Variants in HPSE2 observed in about 807,000 individuals in gnomAD.
The protein encoded by HPSE2 is inactive heparanase-2.
HPSE2 carries 38 observed loss-of-function variants against 60.5 expected under a neutral mutation model. The ratio of observed to expected loss-of-function variants is 0.63; its 90% CI spans 0.48 to 0.82. HPSE2 has a LOEUF of 0.82. HPSE2 is among the 40% of genes least tolerant of loss of function. The pLI, the probability that HPSE2 is intolerant of heterozygous loss-of-function variation, is 0.00. For synonymous variants in HPSE2, 295 were observed against 293.2 expected (o/e 1.01, Z -0.06); for missense variants, 713 against 740.4 (o/e 0.96, Z 0.43).
intron 3 of HPSE2, among the ~76,000 whole-genome samples, chr10:99,094,541 T>TATATATATATATATATATA (rs1491238747): frequency 1.5e-4 from 2 of 13,686 alleles, no homozygotes; most frequent in Admixed American, 1.5e-3. Context: ...TATATATATA[T>TATATATATATATATATATA]TTTTTTTTTT....
intron 3 of HPSE2, among the ~76,000 whole-genome samples, chr10:98,924,774 C>T (rs1314774507): frequency 6.6e-6 from 1 of 152,164 alleles, no homozygotes; most frequent in African/African-American, 2.4e-5. Flanking sequence ...CCCAGCCTAG[C>T]ACTAGGAGTT....
At chr10:99,177,510 C>CA (rs1847575151) in intron 2 of HPSE2, among the ~76,000 whole-genome samples, 1 of 151,878 alleles carries the variant, frequency 6.6e-6, no homozygotes. Context: ...CAAAAAACAT[C>CA]AAAAAAGACA....
At chr10:98,713,397 G>C (rs948338323) in intron 5 of HPSE2, among the ~76,000 whole-genome samples, 1 of 151,914 alleles carries the variant, frequency 6.6e-6, no homozygotes, top group Non-Finnish European at 1.5e-5. Context: ...GTAGTAATGA[G>C]GGTACTGAGG....
chr10:98,952,886 C>A (rs1955404934), intron 3 of HPSE2, among the ~76,000 whole-genome samples: 1 of 152,246 alleles, frequency 6.6e-6, no homozygotes, highest in African/African-American at 2.4e-5. Flanking sequence ...CCTTAATTAC[C>A]TCCTAAAATC....
At chr10:98,620,989 T>C (rs1554955870) in intron 7 of HPSE2, among the ~76,000 whole-genome samples, 1 of 152,192 alleles carries the variant, frequency 6.6e-6, no homozygotes, top group Non-Finnish European at 1.5e-5. Flanking sequence ...GGATGTAAAC[T>C]GACTGCAGTA....
chr10:99,075,137 CTCTT>C (rs1221922167), intron 3 of HPSE2, among the ~76,000 whole-genome samples: 4 of 151,990 alleles, frequency 2.6e-5, no homozygotes, highest in Non-Finnish European at 5.9e-5. Context: ...TACTTGAGAT[CTCTT>C]TCTTTTTTAA....
intron 6 of HPSE2, among the ~76,000 whole-genome samples, chr10:98,662,167 A>G (rs1440809515): frequency 6.6e-6 from 1 of 152,198 alleles, no homozygotes; most frequent in African/African-American, 2.4e-5. Flanking sequence ...TGCCAGGATT[A>G]CAGGCATGAG....
At chr10:99,285,754 G>C in the HPSE2 span, among the ~76,000 whole-genome samples, 2 of 151,978 alleles carry the variant, frequency 1.3e-5, no homozygotes, top group African/African-American at 2.4e-5. Flanking sequence ...GTGAGATCCC[G>C]TCTCTACAAA....
intron 7 of HPSE2, 150 bp downstream of exon 7, chr10:98,641,697 G>A (rs1946641132): frequency 2.7e-6 from 2 of 735,172 alleles, no homozygotes; most frequent in African/African-American, 3.5e-5. Context: ...CTGTGATGGG[G>A]AGCTTGTGAC....
chr10:99,217,595 G>GTTGTGC (rs1564901492), intron 2 of HPSE2, among the ~76,000 whole-genome samples: 1 of 151,786 alleles, frequency 6.6e-6, no homozygotes, highest in African/African-American at 2.4e-5. Context: ...TGTTGTTGTT[G>GTTGTGC]TGCTGCTGCT....
At chr10:98,608,907 C>T (rs1945670805) in intron 9 of HPSE2, among the ~76,000 whole-genome samples, 1 of 152,074 alleles carries the variant, frequency 6.6e-6, no homozygotes, top group African/African-American at 2.4e-5. Context: ...CCTACCACCT[C>T]CAGGTCTGTA....
intron 5 of HPSE2, among the ~76,000 whole-genome samples, chr10:98,718,923 T>C (rs1011617): frequency 0.19 from 28,272 of 152,048 alleles, 3,044 homozygotes; most frequent in East Asian, 0.38. Flanking sequence ...TTCCAAATAG[T>C]GAGAAGAGAT....
chr10:98,649,896 G>A (rs972571744), intron 6 of HPSE2, among the ~76,000 whole-genome samples: 1 of 152,160 alleles, frequency 6.6e-6, no homozygotes, highest in African/African-American at 2.4e-5. Flanking sequence ...GAGATGGTAG[G>A]GCACCTGAGG....
At chr10:98,547,767 G>T (rs1943735667) in intron 9 of HPSE2, among the ~76,000 whole-genome samples, 1 of 151,108 alleles carries the variant, frequency 6.6e-6, no homozygotes, top group Non-Finnish European at 1.5e-5. Flanking sequence ...TAACTAACCT[G>T]CACATTGTGC....
chr10:98,646,454 G>C (rs1272850059), intron 6 of HPSE2, among the ~76,000 whole-genome samples: 1 of 151,766 alleles, frequency 6.6e-6, no homozygotes, highest in Non-Finnish European at 1.5e-5. Flanking sequence ...ACAAGTCGTC[G>C]AGCTGTTCCA....
intron 2 of HPSE2, among the ~76,000 whole-genome samples, chr10:99,209,592 C>T (rs1200067897): frequency 6.6e-6 from 1 of 151,720 alleles, no homozygotes; most frequent in Non-Finnish European, 1.5e-5. Context: ...ACAAACTAGG[C>T]CCAAAGTTAG....
intron 9 of HPSE2, among the ~76,000 whole-genome samples, chr10:98,588,631 G>T (rs1284685275): frequency 1.3e-5 from 2 of 152,068 alleles, no homozygotes; most frequent in African/African-American, 4.8e-5. Flanking sequence ...AATACGGACA[G>T]CTTAACATGG....
chr10:99,305,508 T>A, the HPSE2 span, among the ~76,000 whole-genome samples: 402 of 152,236 alleles, frequency 2.6e-3, 2 homozygotes, highest in African/African-American at 9.3e-3. Context: ...ATCTTAATTT[T>A]AAAAATAAGT....
At chr10:98,912,844 TAGAA>T (rs1052504972) in intron 3 of HPSE2, among the ~76,000 whole-genome samples, 20 of 152,102 alleles carry the variant, frequency 1.3e-4, no homozygotes, top group South Asian at 1.2e-3. Context: ...AAAAAATAGT[TAGAA>T]AGAATTAATA....
Sources: gnomAD v4.1 joint callset for allele counts (sites outside exome capture counted in the v4.1 genomes callset) on GRCh38, gnomAD v4.1.1 for gene constraint, MANE v1.5 for transcripts, NCBI Gene and HGNC (gene_info 2026-07-23, HGNC 2026-07-21) for gene names.